The following SYNDIG1L variants were observed in gnomAD, a reference collection of about 807,000 sequenced individuals.
The protein encoded by SYNDIG1L is synapse differentiation-inducing gene protein 1-like.
SYNDIG1L carries 13 observed loss-of-function variants against 20.1 expected under a neutral mutation model. The ratio of observed to expected loss-of-function variants is 0.65; its 90% confidence interval spans 0.42 to 1.03. The LOEUF is 1.03. SYNDIG1L is among the 50% of genes least tolerant of loss of function. The probability of loss-of-function intolerance (pLI) is 0.00; values close to 1 mark genes in which losing one functional copy is unlikely to be tolerated. For missense variants in SYNDIG1L, 294 were observed against 305.1 expected, an observed-to-expected ratio of 0.96 and a Z score of 0.27; for synonymous variants, 128 against 129.3, an observed-to-expected ratio of 0.99 and a Z score of 0.07.
In SYNDIG1L at chr14:74,409,084, ATTTATAT is replaced by A. The variant is rs1566581046; in HGVS notation, c.417+237_417+243del. Among the ~76,000 whole-genome samples, 397 of 148,556 alleles carry A rather than the reference ATTTATAT, an allele frequency of 2.7e-3. 1 individual carries two copies. The highest frequency in any genetic ancestry group is 8.9e-3 in the African/African-American group (362 of 40,500). On this transcript the variant is annotated intron_variant, in intron 2 of 3. Transcript: ENST00000331628. Reference sequence around the variant, plus strand: ...TATTTATTTATTTATTTATTTATTTATTTATATTTTTTTGAGTCAGGCTCTTGCTCTA... The same window carrying A: ...TATTTATTTATTTATTTATTTATTTATTTTTTGAGTCAGGCTCTTGCTCTA...
At chr14:74,468,867 T>C in the SYNDIG1L span, among the ~76,000 whole-genome samples, 1 of 152,196 alleles carries the variant, frequency 6.6e-6, no homozygotes, top group Non-Finnish European at 1.5e-5. Context: ...AACTAGCCTT[T>C]GAATAATTGT....
At chr14:74,470,154 C>A in the SYNDIG1L span, among the ~76,000 whole-genome samples, 1 of 151,838 alleles carries the variant, frequency 6.6e-6, no homozygotes, top group Admixed American at 6.6e-5. Flanking sequence ...GTCTCTGTGC[C>A]CTTGGCCTTC....
In SYNDIG1L at chr14:74,407,576, C is replaced by T; in HGVS notation, c.676G>A (p.Val226Met). 1 of 1,614,078 alleles carries T rather than the reference C, an allele frequency of 6.2e-7. No individual in the cohort carries two copies. Among genetic ancestry groups the T allele is most frequent in the Non-Finnish European group, 8.5e-7 (1 of 1,179,972 alleles). Residue 226 changes from valine to methionine, a missense_variant, in exon 4 of 4, where the codon GTG (valine) becomes ATG (methionine). Physicochemically the swap from Val to Met is conservative, Grantham distance 21. Coordinates refer to ENST00000331628, the MANE Select transcript of SYNDIG1L (RefSeq NM_001105579.2). Reference protein sequence around the residue: ...VGAGLYVAVVVALAAYMSQNG... With the variant: ...VGAGLYVAVVMALAAYMSQNG... Reference sequence around the variant, plus strand: ...TGGGACATGTAAGCTGCCAGAGCCACCACCACAGCCACGTAGAGACCGGCC... The same window carrying T: ...TGGGACATGTAAGCTGCCAGAGCCATCACCACAGCCACGTAGAGACCGGCC...
At chr14:74,438,186 G>A in the SYNDIG1L span, among the ~76,000 whole-genome samples, 1 of 152,228 alleles carries the variant, frequency 6.6e-6, no homozygotes, top group Non-Finnish European at 1.5e-5. Flanking sequence ...TGTATGACTA[G>A]TCATCCTAAG....
chr14:74,479,935 C>A, the SYNDIG1L span: 11 of 1,246,122 alleles, frequency 8.8e-6, no homozygotes, highest in Non-Finnish European at 1.1e-5. Flanking sequence ...AGACCACAGC[C>A]CACATGCAGA....
chr14:74,454,611 A>G, the SYNDIG1L span, among the ~76,000 whole-genome samples: 1 of 152,232 alleles, frequency 6.6e-6, no homozygotes, highest in African/African-American at 2.4e-5. Flanking sequence ...TTCCCCTTTC[A>G]GGGAATGTGG....
the SYNDIG1L span, among the ~76,000 whole-genome samples, chr14:74,468,261 C>T: frequency 6.6e-6 from 1 of 152,188 alleles, no homozygotes; most frequent in African/African-American, 2.4e-5. Flanking sequence ...CTAATCCAAT[C>T]TGATGACAGA....
chr14:74,461,743 A>G, the SYNDIG1L span, among the ~76,000 whole-genome samples: 1 of 151,204 alleles, frequency 6.6e-6, no homozygotes, highest in Non-Finnish European at 1.5e-5. Flanking sequence ...TTGCTTCTGT[A>G]ACATATTACC....
rs926992848 is a variant in SYNDIG1L at position 74,406,011 on chromosome 14, G to C, written c.*1524C>G. 4.8e-5 allele frequency: 19 copies of C among 398,994 alleles called. No individual in the cohort carries two copies. In the East Asian group the frequency reaches 6.8e-4, roughly 14 times the overall value. The allele number at this position is 398,994 out of a possible 1,614,324, so 24.7% of individuals were successfully genotyped here. A position where few individuals can be genotyped will look rare whatever the true frequency, so the allele number is the denominator to read the frequency against. On this transcript the variant is annotated 3_prime_UTR_variant, in exon 4 of 4. Transcript: ENST00000331628. ...TGCCCGAGGCAGGGGAGGACAGTGG[G>C]ACAAGGGATGCTCAGTGGTGGAGCC...
the SYNDIG1L span, among the ~76,000 whole-genome samples, chr14:74,465,034 C>G: frequency 6.6e-6 from 1 of 152,188 alleles, no homozygotes; most frequent in Admixed American, 6.5e-5. Flanking sequence ...AGACCTGCCT[C>G]CACTGGCTCT....
chr14:74,457,964 AT>A, the SYNDIG1L span, among the ~76,000 whole-genome samples: 2 of 151,124 alleles, frequency 1.3e-5, no homozygotes, highest in African/African-American at 2.4e-5. Flanking sequence ...TGCCTAGCTA[AT>A]TTTTTTTTAT....
At chr14:74,437,362 G>C in the SYNDIG1L span, among the ~76,000 whole-genome samples, 1 of 152,182 alleles carries the variant, frequency 6.6e-6, no homozygotes, top group African/African-American at 2.4e-5. Context: ...GTGGAGACTT[G>C]TGGCTTACTT....
chr14:74,431,922 T>G, the SYNDIG1L span, among the ~76,000 whole-genome samples: 1 of 152,104 alleles, frequency 6.6e-6, no homozygotes, highest in African/African-American at 2.4e-5. Flanking sequence ...ATGTTCCTTT[T>G]GAAGATTGCA....
the SYNDIG1L span, among the ~76,000 whole-genome samples, chr14:74,463,782 C>A: frequency 1.3e-5 from 2 of 152,174 alleles, no homozygotes; most frequent in African/African-American, 4.8e-5. Flanking sequence ...AAGTTTTAGT[C>A]ATGACAGAAA....
the SYNDIG1L span, among the ~76,000 whole-genome samples, chr14:74,436,838 G>A: frequency 1.3e-4 from 15 of 116,088 alleles, no homozygotes; most frequent in African/African-American, 1.8e-4. Flanking sequence ...CGACAAGAGC[G>A]AAACTCGTCT....
At chr14:74,459,260 A>G in the SYNDIG1L span, among the ~76,000 whole-genome samples, 1 of 152,160 alleles carries the variant, frequency 6.6e-6, no homozygotes, top group East Asian at 1.9e-4. Context: ...TCACACCTGT[A>G]ATCCCAGCAC....
chr14:74,453,686 C>T, the SYNDIG1L span, among the ~76,000 whole-genome samples: 121 of 152,280 alleles, frequency 7.9e-4, no homozygotes, highest in Admixed American at 1.8e-3. Flanking sequence ...GGCACAGTGG[C>T]TCACACCTGT....
the SYNDIG1L span, chr14:74,476,705 G>T: frequency 1.4e-6 from 1 of 731,558 alleles, no homozygotes; most frequent in Non-Finnish European, 2.2e-6. Context: ...ACCTATGCAG[G>T]CCATCTCCTG....
the SYNDIG1L span, among the ~76,000 whole-genome samples, chr14:74,476,920 A>G: frequency 2.0e-5 from 3 of 152,084 alleles, no homozygotes; most frequent in South Asian, 4.2e-4. Flanking sequence ...TCAGAGAAAA[A>G]GACACAACCA....
Sources: allele counts gnomAD v4.1 joint callset (sites outside exome capture counted in the v4.1 genomes callset), GRCh38; gene constraint gnomAD v4.1.1; transcripts MANE v1.5; gene names NCBI Gene and HGNC (gene_info 2026-07-23, HGNC 2026-07-21).